The following SQOR variants were observed in gnomAD, a reference collection of about 807,000 sequenced individuals.
The protein encoded by SQOR is sulfide quinone oxidoreductase.
In SQOR, 39 loss-of-function variants were observed where a neutral mutation model predicts 48.6. The ratio of observed to expected loss-of-function variants is 0.80; its 90% confidence interval spans 0.62 to 1.05. The LOEUF (loss-of-function observed/expected upper bound fraction) is 1.05. SQOR is among the 50% of genes least tolerant of loss of function. The probability of loss-of-function intolerance (pLI) is 0.00; values close to 1 mark genes in which losing one functional copy is unlikely to be tolerated. For missense variants in SQOR, 561 were observed against 559.9 expected, an observed-to-expected ratio of 1.00 and a Z score of -0.02; for synonymous variants, 220 against 206.2, an observed-to-expected ratio of 1.07 and a Z score of -0.57.
At chr15:45,682,348 A>G in intron 6 of SQOR, 130 bp from the exon 7 acceptor site, 1 of 909,660 alleles carries the variant, frequency 1.1e-6, no homozygotes. Context: ...GTGGACTGGT[A>G]CAAGTGCTGA....
upstream of SQOR, among the ~76,000 whole-genome samples, chr15:45,633,595 G>A (rs1894937824): frequency 1.3e-5 from 2 of 151,442 alleles, no homozygotes; most frequent in African/African-American, 4.9e-5. Flanking sequence ...TCGGGAGGCT[G>A]AGGCAGGAGA....
intron 3 of SQOR, among the ~76,000 whole-genome samples, chr15:45,668,513 C>A (rs750146671): frequency 6.6e-6 from 1 of 152,166 alleles, no homozygotes; most frequent in Non-Finnish European, 1.5e-5. Context: ...TGCTGGGGAG[C>A]TCCTGGGAGG....
chr15:45,648,950 A>T (rs750429797), intron 1 of SQOR, among the ~76,000 whole-genome samples: 17 of 152,242 alleles, frequency 1.1e-4, no homozygotes, highest in Non-Finnish European at 2.4e-4. Flanking sequence ...AACAATTGTA[A>T]ATCAAAGACC....
intron 3 of SQOR, among the ~76,000 whole-genome samples, chr15:45,666,651 A>G (rs74617234): frequency 0.071 from 10,768 of 152,102 alleles, 533 homozygotes; most frequent in East Asian, 0.26. Flanking sequence ...TATCTACTAT[A>G]TGCCAGCAGT....
chr15:45,639,425 A>G (rs1016436772), intron 1 of SQOR, among the ~76,000 whole-genome samples: 33 of 152,224 alleles, frequency 2.2e-4, no homozygotes, highest in African/African-American at 7.7e-4. Context: ...ATCATAATGA[A>G]TCTCCATGTT....
At chr15:45,666,875 C>T (rs1336255261) in intron 3 of SQOR, among the ~76,000 whole-genome samples, 1 of 52,822 alleles carries the variant, frequency 1.9e-5, no homozygotes, top group East Asian at 8.7e-4. Flanking sequence ...CCCTCCCCTC[C>T]CCTCCTTTCT....
chr15:45,667,507 A>G (rs1566920234), intron 3 of SQOR, among the ~76,000 whole-genome samples: 1 of 152,136 alleles, frequency 6.6e-6, no homozygotes, highest in African/African-American at 2.4e-5. Context: ...AGTCTTGTCT[A>G]TAAGCTTTTG....
At chr15:45,690,952 T>G in intron 9 of SQOR, 21 bp from the exon 10 acceptor site, 2 of 1,613,498 alleles carry the variant, frequency 1.2e-6, no homozygotes, top group South Asian at 2.2e-5. Flanking sequence ...CAGGTACATT[T>G]TTTTGTGTTA....
intron 1 of SQOR, among the ~76,000 whole-genome samples, chr15:45,653,251 G>A (rs1389293792): frequency 6.6e-6 from 1 of 152,188 alleles, no homozygotes; most frequent in Non-Finnish European, 1.5e-5. Flanking sequence ...TCAGACGCCA[G>A]CCAGGCAGGG....
intron 2 of SQOR, among the ~76,000 whole-genome samples, chr15:45,660,609 G>C (rs1429645471): frequency 6.6e-6 from 1 of 152,168 alleles, no homozygotes; most frequent in Non-Finnish European, 1.5e-5. Flanking sequence ...CCCAGGCTTG[G>C]TACTTTCCCT....
At chr15:45,657,298 C>A (rs975670221) in intron 1 of SQOR, among the ~76,000 whole-genome samples, 1 of 149,576 alleles carries the variant, frequency 6.7e-6, no homozygotes, top group East Asian at 2.0e-4. Flanking sequence ...ACATAATTAG[C>A]CCTAATCCAC....
chr15:45,650,417 T>G (rs1162348208), intron 1 of SQOR, among the ~76,000 whole-genome samples: 2 of 152,154 alleles, frequency 1.3e-5, no homozygotes, highest in Admixed American at 1.3e-4. Context: ...GGGTTCGTGG[T>G]CTCCCTGGCT....
upstream of SQOR, chr15:45,631,995 G>C (rs919542778): frequency 6.6e-6 from 1 of 152,234 alleles, no homozygotes; most frequent in Non-Finnish European, 1.5e-5. Flanking sequence ...ATATCCACCA[G>C]ATGAAAGAAT....
chr15:45,690,815 T>A (rs1225834760), intron 9 of SQOR, among the ~76,000 whole-genome samples, 158 bp from the exon 10 acceptor site: 1 of 152,238 alleles, frequency 6.6e-6, no homozygotes, highest in East Asian at 1.9e-4. Context: ...GGTTGTCCCC[T>A]CCTAGTCATG....
intron 7 of SQOR, 101 bp from the exon 8 acceptor site, chr15:45,688,236 G>T (rs112132211): frequency 3.6e-5 from 28 of 786,366 alleles, no homozygotes; most frequent in African/African-American, 3.0e-4. Flanking sequence ...TTGAGGGATG[G>T]GAAATGGAAT....
intron 1 of SQOR, among the ~76,000 whole-genome samples, chr15:45,645,099 C>T (rs561159481): frequency 6.6e-6 from 1 of 152,124 alleles, no homozygotes; most frequent in Non-Finnish European, 1.5e-5. Context: ...GAAGGGGAAA[C>T]AGTCAGTTGC....
intron 1 of SQOR, among the ~76,000 whole-genome samples, chr15:45,642,404 G>A (rs140939837): frequency 6.6e-6 from 1 of 152,228 alleles, no homozygotes; most frequent in East Asian, 1.9e-4. Flanking sequence ...ATTTTTTGTC[G>A]AGATCTCCAA....
chr15:45,666,811 TCTCCC>T (rs1889828868), intron 3 of SQOR, among the ~76,000 whole-genome samples: 1 of 27,314 alleles, frequency 3.7e-5, no homozygotes, highest in Non-Finnish European at 6.5e-5. Flanking sequence ...CCTCCTCTCC[TCTCCC>T]CTCCCCTCCT....
At chr15:45,676,379 C>T in intron 6 of SQOR, 69 bp downstream of exon 6, 1 of 1,411,840 alleles carries the variant, frequency 7.1e-7, no homozygotes, top group South Asian at 1.2e-5. Context: ...TACATGGGGG[C>T]TCACACCACC....
Sources: gnomAD v4.1 joint callset for allele counts (sites outside exome capture counted in the v4.1 genomes callset) on GRCh38, gnomAD v4.1.1 for gene constraint, MANE v1.5 for transcripts, NCBI Gene and HGNC (gene_info 2026-07-23, HGNC 2026-07-21) for gene names.